The following TRPV2 variants were observed in gnomAD, a reference collection of about 807,000 sequenced individuals.
TRPV2 encodes transient receptor potential cation channel subfamily V member 2, also known as OTRPC2.
In TRPV2, 58 loss-of-function variants were observed where a neutral mutation model predicts 91.0. The observed-to-expected ratio is 0.64, with a 90% CI of 0.52 to 0.79. The LOEUF is 0.79. Among genes scored for constraint, TRPV2 ranks in the 30% least tolerant of loss-of-function variants. The pLI, the probability that TRPV2 is intolerant of heterozygous loss-of-function variation, is 0.00. For missense variants in TRPV2, 807 were observed against 969.6 expected (o/e 0.83, Z 2.23); for synonymous variants, 417 against 414.8 (o/e 1.01, Z -0.06).
intron 4 of TRPV2, 72 bp downstream of exon 4, chr17:16,422,961 G>T: frequency 6.7e-7 from 1 of 1,483,698 alleles, no homozygotes; most frequent in South Asian, 1.3e-5. Flanking sequence ...CATGGTTAGT[G>T]TATGACAGAG....
chr17:16,417,984 AG>A, intron 2 of TRPV2, 116 bp downstream of exon 2: 1 of 1,051,204 alleles, frequency 9.5e-7, no homozygotes, highest in Non-Finnish European at 1.4e-6. Context: ...CAGCCTGTGG[AG>A]TCCTCAGTCT....
In TRPV2 at chr17:16,432,031, T is replaced by A; in HGVS notation, c.1720T>A (p.Ser574Thr). The change falls in exon 12 of 15, where the codon TCA becomes ACA. Residue 574 changes from serine to threonine, a missense_variant. By Grantham distance (58) the Ser-to-Thr change is moderately conservative. Transcript: ENST00000338560. ...EAPTGPNATE[S>T]VQPMEGQEDE... ...TCCTACAGGCCCCAATGCCACAGAG[T>A]CAGTGCAGCCCATGGAGGGACAGGA... 6.2e-7 allele frequency: 1 copy of A among 1,611,464 alleles called. No individual in the cohort carries two copies. Among genetic ancestry groups the A allele is most frequent in the South Asian group, 1.1e-5 (1 of 90,956 alleles).
chr17:16,418,458 G>A lies in TRPV2; in HGVS notation c.200+590G>A, dbSNP rs575183867. On this transcript the variant is annotated intron_variant, in intron 2 of 14. Coordinates refer to ENST00000338560, the MANE Select transcript of TRPV2 (RefSeq NM_016113.5). ...TTTGGCACCCCCTACTTCCCTGCCC[G>A]GGGGCGGGGCCTGCCCAGTGAGGCT... is the stretch of plus-strand genomic sequence containing the variant. Among the ~76,000 whole-genome samples the A allele has an allele frequency of 8.5e-5, 13 of 152,176 alleles. No individual in the cohort carries two copies. The South Asian group carries it at 1.9e-3, about 22-fold the overall frequency.
At position 16,421,694 on chromosome 17, in the gene TRPV2, G is replaced by T. The variant is rs536424691; in HGVS notation, c.335-905G>T. On this transcript the variant is annotated intron_variant, in intron 3 of 14. Transcript: ENST00000338560. ...CCAGCACTGCGCCTGGCTAATTTTT[G>T]TATTTTTAGTAAAGATGGGATTTCA... is the stretch of plus-strand genomic sequence containing the variant. Among the ~76,000 whole-genome samples the T allele has an allele frequency of 7.3e-5, 11 of 150,244 alleles. 1 individual carries two copies. In the South Asian group the frequency reaches 2.1e-3, roughly 29 times the overall value.
intron 1 of TRPV2, 108 bp from the exon 2 acceptor site, chr17:16,417,454 G>C: frequency 2.0e-6 from 1 of 499,582 alleles, no homozygotes; most frequent in South Asian, 2.2e-5. Context: ...ATGTTGGTCA[G>C]GCTGGTCTCT....
At chr17:16,430,911 T>C (rs1484525966) in intron 10 of TRPV2, among the ~76,000 whole-genome samples, 1 of 152,150 alleles carries the variant, frequency 6.6e-6, no homozygotes, top group Non-Finnish European at 1.5e-5. Context: ...ATAATGCTGC[T>C]ACGAACAAGG....
intron 13 of TRPV2, among the ~76,000 whole-genome samples, chr17:16,434,333 T>A (rs1482937171): frequency 2.0e-5 from 3 of 151,784 alleles, no homozygotes; most frequent in Non-Finnish European, 4.4e-5. Context: ...CCGGGCGTGG[T>A]GGCGGGCGCC....
chr17:16,426,255 C>T lies in TRPV2; in HGVS notation c.1081C>T (p.His361Tyr), dbSNP rs148488043. 1 of 1,614,188 alleles carries T rather than the reference C, an allele frequency of 6.2e-7. No homozygotes were observed. Among genetic ancestry groups the T allele is most frequent in the Non-Finnish European group, 8.5e-7 (1 of 1,180,036 alleles). Reference sequence around the variant, plus strand: ...CTCAGTGCTGGAGATCATTGCCTTTCATTGCAAGAGCCCGGTGAGCCCACA... The same window carrying T: ...CTCAGTGCTGGAGATCATTGCCTTTTATTGCAAGAGCCCGGTGAGCCCACA... ...ENSVLEIIAF[H>Y]CKSPHRHRMV... The change falls in exon 6 of 15, where the codon CAT becomes TAT. Residue 361 changes from histidine to tyrosine, a missense_variant. His to Tyr is a moderately conservative substitution (Grantham distance 83). Transcript: ENST00000338560. This position sits in a 1 kb window ranked among gnomAD's most constrained non-coding sequence, Gnocchi z 6.0.
In TRPV2 at chr17:16,417,883, G is replaced by T. The variant is rs780267364; in HGVS notation, c.200+15G>T. On this transcript the variant is annotated intron_variant, in intron 2 of 14. Coordinates refer to ENST00000338560, the MANE Select transcript of TRPV2 (RefSeq NM_016113.5). ...ACAGGTGCCAGGTGAGACAGCAAGT[G>T]GGGGCAGGGCAAAGGGGGCCCCCTG... The T allele has an allele frequency of 5.0e-6, 8 of 1,611,896 alleles. No homozygotes were observed. Among genetic ancestry groups the T allele is most frequent in the Non-Finnish European group, 6.8e-6 (8 of 1,178,870 alleles).
chr17:16,425,262 G>A (rs990051898), intron 5 of TRPV2, among the ~76,000 whole-genome samples: 5 of 152,078 alleles, frequency 3.3e-5, no homozygotes, highest in Admixed American at 6.6e-5. Flanking sequence ...GACCTCTGGT[G>A]ATCCACCTGC....
At chr17:16,424,248 C>A (rs2093372413) in intron 5 of TRPV2, among the ~76,000 whole-genome samples, 1 of 151,960 alleles carries the variant, frequency 6.6e-6, no homozygotes, top group Non-Finnish European at 1.5e-5. Context: ...ACCTCTGCCT[C>A]CCAGGTTCAA....
At chr17:16,427,327 A>T in intron 7 of TRPV2, 122 bp from the exon 8 acceptor site, 1 of 862,058 alleles carries the variant, frequency 1.2e-6, no homozygotes, top group African/African-American at 1.7e-5. Flanking sequence ...CCATGTTCCC[A>T]TGCCGTTCTG....
In TRPV2 at chr17:16,423,699, C is replaced by T. The variant is rs2093369307; in HGVS notation, c.856C>T (p.Leu286Phe). 2.5e-6 allele frequency: 4 copies of T among 1,612,962 alleles called. No homozygotes were observed. The African/African-American group carries it at 5.3e-5, about 21-fold the overall frequency. The change falls in exon 5 of 15, where the codon CTT (leucine) becomes TTT (phenylalanine). Residue 286 changes from leucine to phenylalanine, a missense_variant. Transcript: ENST00000338560. ...AGARLCPTVQ[L>F]EDIRNLQDLT... ...GGCCCGCCTCTGCCCTACCGTGCAG[C>T]TTGAGGACATCCGCAACCTGCAGGA... is the stretch of plus-strand genomic sequence containing the variant.
In TRPV2 at chr17:16,435,572, C is replaced by T. The variant is rs1600996186; in HGVS notation, c.2194+603C>T. On this transcript the variant is annotated intron_variant, in intron 14 of 14. Transcript: ENST00000338560. This position sits in a 1 kb window ranked among gnomAD's most constrained non-coding sequence, Gnocchi z 4.2. ...TGCCTCCACCAAGACTGGTTCCTTC[C>T]TCCCACCCTCAGAGGCCTGTTCTGA... Among the ~76,000 whole-genome samples the T allele has an allele frequency of 1.3e-5, 2 of 152,246 alleles. No individual in the cohort carries two copies. Among genetic ancestry groups the T allele is most frequent in the South Asian group, 2.1e-4 (1 of 4,820 alleles).
chr17:16,425,138 C>T (rs915585517), intron 5 of TRPV2, among the ~76,000 whole-genome samples: 3 of 150,286 alleles, frequency 2.0e-5, no homozygotes, highest in Non-Finnish European at 4.4e-5. Context: ...GATTCTCTTG[C>T]CTCAGCCTCC....
chr17:16,426,141 C>CA lies in TRPV2; in HGVS notation c.968dup (p.His323GlnfsTer20). 2 of 1,614,148 alleles carry CA rather than the reference C, an allele frequency of 1.2e-6. No individual in the cohort carries two copies. The highest frequency in any genetic ancestry group is 1.7e-6 in the Non-Finnish European group (2 of 1,180,018). On this transcript the variant is annotated frameshift_variant, in exon 6 of 15. Transcript: ENST00000338560. LOFTEE classifies it high-confidence loss of function. This position sits in a 1 kb window ranked among gnomAD's most constrained non-coding sequence, Gnocchi z 6.0. ...GCAGCGGGAGTTTTCAGGACTGAGC[C>CA]ACCTTTCCCGAAAGTTCACCGAGTG... is the stretch of plus-strand genomic sequence containing the variant.
intron 10 of TRPV2, among the ~76,000 whole-genome samples, chr17:16,429,711 T>A (rs1383650282): frequency 5.3e-5 from 8 of 151,056 alleles, no homozygotes; most frequent in Admixed American, 5.3e-4. Context: ...TGGGACAGGG[T>A]GAGGAGGCTA....
At chr17:16,434,001 C>T (rs911583442) in intron 13 of TRPV2, among the ~76,000 whole-genome samples, 25 of 152,162 alleles carry the variant, frequency 1.6e-4, no homozygotes, top group Non-Finnish European at 3.7e-4. Flanking sequence ...GTCAGAGGGA[C>T]CCTTGGGTTG....
chr17:16,417,591 C>A lies in TRPV2; in HGVS notation c.-78C>A. The stretch of plus-strand genomic sequence containing the variant: ...CAGTCAGGCCAACACCGACGCGCAG[C>A]TGGGAGGAAGACAGGACCCTTGACA... On this transcript the variant is annotated 5_prime_UTR_variant, in exon 2 of 15. It adds an upstream start codon to the 5' untranslated region. Transcript: ENST00000338560. 1 of 1,504,748 alleles carries A rather than the reference C, an allele frequency of 6.6e-7. No homozygotes were observed. Among genetic ancestry groups the A allele is most frequent in the Non-Finnish European group, 9.2e-7 (1 of 1,089,028 alleles). 93.2% of individuals were successfully genotyped at this position (1,504,748 alleles called of 1,614,324 possible). A position where few individuals can be genotyped will look rare whatever the true frequency, so the allele number is the denominator to read the frequency against.
Sources: gnomAD v4.1 joint callset for allele counts (sites outside exome capture counted in the v4.1 genomes callset) on GRCh38, gnomAD v4.1.1 for gene constraint, Gnocchi (gnomAD v3.1) non-coding constraint, MANE v1.5 for transcripts, NCBI Gene and HGNC (gene_info 2026-07-23, HGNC 2026-07-21) for gene names.